Variants in MFN1 observed in about 807,000 individuals in gnomAD.
MFN1 encodes the protein mitofusin 1.
A neutral mutation model predicts 92.4 loss-of-function variants in MFN1; 65 were observed. The ratio of observed to expected loss-of-function variants is 0.70; its 90% CI spans 0.58 to 0.86. The LOEUF is 0.86. Ranked by LOEUF, MFN1 falls within the 40% of genes least tolerant of loss-of-function variation. MFN1 has a pLI of 0.00. For missense variants in MFN1, 781 were observed against 868.0 expected, an observed-to-expected ratio of 0.90 and a Z score of 1.26; for synonymous variants, 297 against 300.9, an observed-to-expected ratio of 0.99 and a Z score of 0.13.
chr3:179,366,930 CTTAACT>C (rs1712816543), intron 7 of MFN1, among the ~76,000 whole-genome samples: 1 of 152,110 alleles, frequency 6.6e-6, no homozygotes, highest in African/African-American at 2.4e-5. Flanking sequence ...ACTCCCCAAC[CTTAACT>C]TTGTTTTTTG....
chr3:179,386,982 A>G (rs978931432), intron 16 of MFN1, among the ~76,000 whole-genome samples: 10 of 152,088 alleles, frequency 6.6e-5, no homozygotes, highest in African/African-American at 2.2e-4. Context: ...CAGTGGCACA[A>G]TCTGGCTCAC....
At position 179,348,857 on chromosome 3, in the gene MFN1, A is replaced by T. The variant is rs1241749026; in HGVS notation, c.6A>T (p.Ala2=). ...TATCTCCCTCTAGTAGCATAATGGC[A>T]GAACCTGTTTCTCCACTGAAGCACT... M[A]EPVSPLKHFV... The change falls in exon 2 of 18, where the codon GCA becomes GCT. Residue 2 remains alanine, a synonymous_variant. Transcript: ENST00000471841. The T allele has an allele frequency of 5.0e-6, 8 of 1,609,616 alleles. No homozygotes were observed. The highest frequency in any genetic ancestry group is 6.8e-6 in the Non-Finnish European group (8 of 1,176,576).
chr3:179,383,810 A>G (rs1713566507), intron 14 of MFN1, among the ~76,000 whole-genome samples: 1 of 152,248 alleles, frequency 6.6e-6, no homozygotes, highest in Non-Finnish European at 1.5e-5. Flanking sequence ...AAGGAGAACT[A>G]CAAACCACTG....
At chr3:179,375,544 A>G (rs1238034093) in intron 10 of MFN1, among the ~76,000 whole-genome samples, 7 of 152,222 alleles carry the variant, frequency 4.6e-5, no homozygotes, top group Non-Finnish European at 1.5e-5. Flanking sequence ...CATCATTTAT[A>G]TCCCCTGGAC....
chr3:179,384,505 T>C (rs1577015806), intron 14 of MFN1, among the ~76,000 whole-genome samples: 1 of 152,336 alleles, frequency 6.6e-6, no homozygotes, highest in East Asian at 1.9e-4. Context: ...TTGGGTCCTA[T>C]AGAGTTGCAG....
chr3:179,377,043 C>T lies in MFN1; in HGVS notation c.1099C>T (p.His367Tyr), dbSNP rs1713266343. 1.2e-6 allele frequency: 2 copies of T among 1,613,222 alleles called. No homozygotes were observed. The highest frequency in any genetic ancestry group is 1.7e-6 in the Non-Finnish European group (2 of 1,179,730). The change falls in exon 11 of 18, where the codon CAT becomes TAT. Residue 367 changes from histidine (H) to tyrosine (Y), a missense_variant and splice_region_variant. By Grantham distance (83) the His-to-Tyr change is moderately conservative. Transcript: ENST00000471841. ...SVNLAAEDKR[H>Y]YSVEEREDQI... ...TGATTACTCTTTATACTGAAATAGG[C>T]ATTATTCAGTGGAAGAGAGGGAAGA...
At position 179,386,534 on chromosome 3, in the gene MFN1, G is replaced by A. The variant is rs1713691030; in HGVS notation, c.1917G>A (p.Glu639=). The A allele has an allele frequency of 4.3e-6, 7 of 1,614,092 alleles. No individual in the cohort carries two copies. The highest frequency in any genetic ancestry group is 5.1e-6 in the Non-Finnish European group (6 of 1,179,976). Residue 639 remains glutamate, a synonymous_variant, in exon 16 of 18, where the codon GAG becomes GAA. Coordinates refer to ENST00000471841, the MANE Select transcript of MFN1 (RefSeq NM_033540.3). ...ERLSWTTHAK[E]RAFKQQFVNY... ...TGAGCTGGACCACCCATGCCAAGGA[G>A]CGAGCCTTTAAACAGCAGTTTGTAA...
intron 10 of MFN1, among the ~76,000 whole-genome samples, chr3:179,376,010 G>A (rs6784871): frequency 0.7 from 106,998 of 152,106 alleles, 38,030 homozygotes; most frequent in African/African-American, 0.79. Flanking sequence ...GTTAAGCCTC[G>A]ATAGGACCTT....
chr3:179,370,060 A>G (rs1015385502), intron 9 of MFN1, among the ~76,000 whole-genome samples: 2 of 152,184 alleles, frequency 1.3e-5, no homozygotes, highest in Non-Finnish European at 2.9e-5. Flanking sequence ...AAAAAGAGAC[A>G]AAACATTTTT....
In MFN1 at chr3:179,394,636, C is replaced by T. The variant is rs1374178755; in HGVS notation, c.*2577C>T. 2.6e-5 allele frequency: 4 copies of T among 151,658 alleles called. No individual in the cohort carries two copies. Among genetic ancestry groups the T allele is most frequent in the East Asian group, 1.9e-4 (1 of 5,140 alleles). 9.4% of individuals were successfully genotyped at this position (151,658 alleles called of 1,614,324 possible). On this transcript the variant is annotated 3_prime_UTR_variant, in exon 18 of 18. Transcript: ENST00000471841. ...TTCACCGTGTTAGCCAGGATGGTCT[C>T]GATCTCCTGACCTCGTGATCCACCC... is the stretch of plus-strand genomic sequence containing the variant.
chr3:179,375,927 A>G (rs958125675), intron 10 of MFN1, among the ~76,000 whole-genome samples: 5 of 152,190 alleles, frequency 3.3e-5, no homozygotes, highest in African/African-American at 1.2e-4. Flanking sequence ...ATCGATACAA[A>G]GTATAATTTT....
intron 9 of MFN1, among the ~76,000 whole-genome samples, chr3:179,370,011 A>T (rs1352558091): frequency 2.0e-5 from 3 of 152,298 alleles, no homozygotes; most frequent in South Asian, 2.1e-4. Flanking sequence ...ATTTTTCCAA[A>T]CAATCAGCTG....
chr3:179,356,940 C>G (rs1712367174), intron 3 of MFN1, among the ~76,000 whole-genome samples: 1 of 152,124 alleles, frequency 6.6e-6, no homozygotes, highest in South Asian at 2.1e-4. Flanking sequence ...GAACCTTAAT[C>G]CATCTCCCCA....
At position 179,370,887 on chromosome 3, in the gene MFN1, A is replaced by G. The variant is rs561777519; in HGVS notation, c.975+2784A>G. On this transcript the variant is annotated intron_variant, in intron 9 of 17. Transcript: ENST00000471841. The stretch of plus-strand genomic sequence containing the variant: ...TTATCCTTTTGGCATTTCCTTATCA[A>G]TATAAGACTTTTTAAAATTCAAGTG... Among the ~76,000 whole-genome samples, 15 of 152,248 alleles carry G rather than the reference A, an allele frequency of 9.9e-5. No homozygotes were observed. The East Asian group carries it at 2.9e-3, about 29-fold the overall frequency.
In MFN1 at chr3:179,351,971, G is replaced by A. The variant is rs747249798; in HGVS notation, c.184G>A (p.Asp62Asn). 6 of 1,610,920 alleles carry A rather than the reference G, an allele frequency of 3.7e-6. No individual in the cohort carries two copies. The highest frequency in any genetic ancestry group is 5.1e-6 in the Non-Finnish European group (6 of 1,177,768). The change falls in exon 3 of 18, where the codon GAC becomes AAC. Residue 62 changes from aspartate (D) to asparagine (N), a missense_variant. By Grantham distance (23) the Asp-to-Asn change is conservative (BLOSUM62 1). Transcript: ENST00000471841. ...DDLVEMQGYK[D>N]KLSIIGEVLS... ...TCTGGTAGAAATGCAAGGATATAAA[G>A]ACAAGCTTTCCATCATTGGTGAGGT... is the stretch of plus-strand genomic sequence containing the variant.
At chr3:179,366,457 A>G (rs2108536370) in intron 7 of MFN1, among the ~76,000 whole-genome samples, 2 of 152,028 alleles carry the variant, frequency 1.3e-5, no homozygotes, top group East Asian at 3.9e-4. Flanking sequence ...AATTTGAACT[A>G]TAAATAATAT....
At chr3:179,360,885 G>A (rs1285185842) in intron 4 of MFN1, among the ~76,000 whole-genome samples, 3 of 152,118 alleles carry the variant, frequency 2.0e-5, no homozygotes, top group Non-Finnish European at 2.9e-5. Context: ...AGTGGCTCAC[G>A]CTTGCAATCC....
rs964787447 is a variant in MFN1 at position 179,392,898 on chromosome 3, TTTTAA to T, written c.*843_*847del. The T allele has an allele frequency of 4.5e-4, 69 of 152,228 alleles. No homozygotes were observed. The highest frequency in any genetic ancestry group is 1.6e-3 in the African/African-American group (67 of 41,462). The allele number at this position is 152,228 out of a possible 1,614,324, so 9.4% of individuals were successfully genotyped here. A position where few individuals can be genotyped will look rare whatever the true frequency, so the allele number is the denominator to read the frequency against. On this transcript the variant is annotated 3_prime_UTR_variant, in exon 18 of 18. Coordinates refer to ENST00000471841, the MANE Select transcript of MFN1 (RefSeq NM_033540.3). Reference sequence around the variant, plus strand: ...TGCTGGATTATACCCCATTGGAGGCTTTTAATTTTATTTGTATGAATTTTCCAGGA... The same window carrying T: ...TGCTGGATTATACCCCATTGGAGGCTTTTTATTTGTATGAATTTTCCAGGA...
At position 179,362,416 on chromosome 3, in the gene MFN1, T is replaced by C. The variant is rs756545180; in HGVS notation, c.470T>C (p.Leu157Pro). 11 of 1,613,690 alleles carry C rather than the reference T, an allele frequency of 6.8e-6. No homozygotes were observed. The highest frequency in any genetic ancestry group is 1.7e-5 in the Admixed American group (1 of 60,004). ...GACAAAGATTTGAAAGCTGGCTGTC[T>C]TGTACGTGTGTTTTGGCCAAAAGCA... Reference protein sequence around the residue: ...HMDKDLKAGCLVRVFWPKAKC... With the variant: ...HMDKDLKAGCPVRVFWPKAKC... Residue 157 changes from leucine to proline, a missense_variant, in exon 5 of 18, where the codon CTT (leucine) becomes CCT (proline). Physicochemically the swap from Leu to Pro is moderately conservative, Grantham distance 98 (BLOSUM62 -3). Transcript: ENST00000471841.
Sources: allele counts gnomAD v4.1 joint callset (sites outside exome capture counted in the v4.1 genomes callset), GRCh38; gene constraint gnomAD v4.1.1; transcripts MANE v1.5; gene names NCBI Gene and HGNC (gene_info 2026-07-23, HGNC 2026-07-21).